The following HPD variants were observed in gnomAD, a reference collection of about 807,000 sequenced individuals.
The protein encoded by HPD is 4-hydroxyphenylpyruvic acid oxidase.
In HPD, 35 loss-of-function variants were observed where a neutral mutation model predicts 56.9. The observed-to-expected ratio is 0.62, with a 90% confidence interval of 0.47 to 0.82. The LOEUF (loss-of-function observed/expected upper bound fraction) is 0.82, where lower values mean the gene tolerates loss of function less well. Among genes scored for constraint, HPD ranks in the 40% least tolerant of loss-of-function variants. The pLI is 0.00. For synonymous variants in HPD, 186 were observed against 200.2 expected, an observed-to-expected ratio of 0.93 and a Z score of 0.60; for missense variants, 442 against 506.8, an observed-to-expected ratio of 0.87 and a Z score of 1.23.
Position 121,853,404 on chromosome 12 carries a change from G to A in HPD, c.414+1299C>T, listed in dbSNP as rs552510526. 3.4e-4 allele frequency among the ~76,000 whole-genome samples: 51 copies of A among 151,954 alleles called. No individual in the cohort carries two copies. The South Asian group carries it at 7.5e-3, about 22-fold the overall frequency. ...AGCACTTTGGGAGGCTGAGGCGGGC[G>A]GATCACAAGGTCAGGAGATCGAGAC... On this transcript the variant is annotated intron_variant, in intron 7 of 13. Coordinates refer to ENST00000289004, the MANE Select transcript of HPD (RefSeq NM_002150.3).
chr12:121,877,734 A>AAAT, the HPD span, among the ~76,000 whole-genome samples: 1 of 151,964 alleles, frequency 6.6e-6, no homozygotes, highest in Non-Finnish European at 1.5e-5. Context: ...CTCTGTCTCA[A>AAAT]AATAATAATA....
chr12:121,839,984 A>G lies in HPD; in HGVS notation c.1019T>C (p.Val340Ala). The G allele has an allele frequency of 6.2e-7, 1 of 1,613,988 alleles. No homozygotes were observed. The highest frequency in any genetic ancestry group is 2.2e-5 in the East Asian group (1 of 44,860). Residue 340 changes from valine to alanine, a missense_variant, in exon 13 of 14, where the codon GTG (valine) becomes GCG (alanine). Transcript: ENST00000289004. ...GYLLQIFTKP[V>A]QDRPTLFLEV... ...CAGGAAGAGCGTGGGCCGGTCCTGCACCGGTTTGGTGAAGATCTGCAGGAG... is the reference window on the plus strand; with the variant it reads ...CAGGAAGAGCGTGGGCCGGTCCTGCGCCGGTTTGGTGAAGATCTGCAGGAG...
chr12:121,887,553 G>C, the HPD span, among the ~76,000 whole-genome samples: 1 of 151,706 alleles, frequency 6.6e-6, no homozygotes, highest in South Asian at 2.1e-4. Context: ...TATATTTTTG[G>C]TAGAGACAGG....
upstream of HPD, chr12:121,858,909 A>G (rs2137635838): frequency 6.5e-7 from 1 of 1,536,928 alleles, no homozygotes; most frequent in Non-Finnish European, 9.0e-7. Flanking sequence ...GGTCCCGCCC[A>G]GGCCTCCTGG....
chr12:121,846,803 C>T (rs1413315266), intron 11 of HPD, 59 bp downstream of exon 11: 4 of 1,548,746 alleles, frequency 2.6e-6, no homozygotes, highest in Non-Finnish European at 3.6e-6. Flanking sequence ...CTCAATTTTG[C>T]AGAGATCGTC....
intron 4 of HPD, chr12:121,857,103 G>T: frequency 3.7e-6 from 2 of 540,196 alleles, no homozygotes; most frequent in Admixed American, 3.1e-5. Context: ...TTGTTGAGAT[G>T]GAGTCTTGCT....
At chr12:121,849,146 C>CAAT in intron 8 of HPD, 70 bp from the exon 9 acceptor site, 1 of 883,064 alleles carries the variant, frequency 1.1e-6, no homozygotes, top group South Asian at 1.3e-5. Flanking sequence ...CATGACCCCT[C>CAAT]AATAATAATA....
chr12:121,868,624 A>G, the HPD span, among the ~76,000 whole-genome samples: 1 of 149,822 alleles, frequency 6.7e-6, no homozygotes, highest in Non-Finnish European at 1.5e-5. Flanking sequence ...GGTTCAAGTG[A>G]TTCTCCTGCC....
intron 12 of HPD, among the ~76,000 whole-genome samples, chr12:121,840,411 C>G (rs1478178271): frequency 6.6e-6 from 1 of 152,162 alleles, no homozygotes; most frequent in African/African-American, 2.4e-5. Context: ...AGCGATTCTC[C>G]TGTCTCAGCC....
At chr12:121,851,181 G>A (rs145253291) in intron 7 of HPD, among the ~76,000 whole-genome samples, 1,843 of 151,670 alleles carry the variant, frequency 0.012, 15 homozygotes, top group Admixed American at 0.021. Flanking sequence ...GCTAATTTTT[G>A]TGTTGTTTTA....
At chr12:121,855,972 C>CCAA (rs751396815) in intron 6 of HPD, among the ~76,000 whole-genome samples, 1 of 65,348 alleles carries the variant, frequency 1.5e-5, no homozygotes. Flanking sequence ...CTCCGTCTCA[C>CCAA]AAAAAAAAAA....
chr12:121,852,210 G>A lies in HPD; in HGVS notation c.415-2420C>T, dbSNP rs536017293. Among the ~76,000 whole-genome samples the A allele has an allele frequency of 3.0e-3, 454 of 152,056 alleles. 2 individuals carry two copies. Among genetic ancestry groups the A allele is most frequent in the African/African-American group, 0.01 (430 of 41,486 alleles). On this transcript the variant is annotated intron_variant, in intron 7 of 13. Transcript: ENST00000289004. Reference sequence around the variant, plus strand: ...AATTTTTAATTTTTTCGTAGAGATGGGGTCTCACTTTGTTGCGCAGGCTGG... The same window carrying A: ...AATTTTTAATTTTTTCGTAGAGATGAGGTCTCACTTTGTTGCGCAGGCTGG...
chr12:121,865,459 G>A (rs1878301437), upstream of HPD, among the ~76,000 whole-genome samples: 1 of 150,632 alleles, frequency 6.6e-6, no homozygotes, highest in Non-Finnish European at 1.5e-5. Flanking sequence ...TAGTAGAGAT[G>A]GGGTTTCGTC....
At chr12:121,851,556 C>A (rs983189295) in intron 7 of HPD, among the ~76,000 whole-genome samples, 1 of 151,372 alleles carries the variant, frequency 6.6e-6, no homozygotes, top group Non-Finnish European at 1.5e-5. Flanking sequence ...GTTGGCCAGG[C>A]TGGTCTCGAA....
At chr12:121,886,886 C>T in the HPD span, among the ~76,000 whole-genome samples, 1 of 152,066 alleles carries the variant, frequency 6.6e-6, no homozygotes, top group Admixed American at 6.6e-5. Context: ...TCTCTTCCTC[C>T]CTTTTTAACT....
At position 121,857,862 on chromosome 12, in the gene HPD, A is replaced by T. The variant is rs532097028; in HGVS notation, c.31-43T>A. ...AGGTGAGGTTGAGTCCCTGAAAGTG[A>T]GTCTAGAAAAGTGCGGGTGGAGTGA... On this transcript the variant is annotated intron_variant, in intron 2 of 13. Coordinates refer to ENST00000289004, the MANE Select transcript of HPD (RefSeq NM_002150.3). 7.3e-6 allele frequency: 11 copies of T among 1,497,662 alleles called. No individual in the cohort carries two copies. In the African/African-American group the frequency reaches 1.5e-4, roughly 21 times the overall value. 92.8% of individuals were successfully genotyped at this position (1,497,662 alleles called of 1,614,324 possible).
chr12:121,857,305 C>G, intron 4 of HPD, 23 bp downstream of exon 4: 1 of 1,494,822 alleles, frequency 6.7e-7, no homozygotes, highest in Non-Finnish European at 9.3e-7. Context: ...GGGTTGGGGG[C>G]TGTCCTGGGG....
At chr12:121,863,826 C>A (rs1186142713), upstream of HPD, among the ~76,000 whole-genome samples, 1 of 151,678 alleles carries the variant, frequency 6.6e-6, no homozygotes, top group Non-Finnish European at 1.5e-5. Context: ...TTATATAAGC[C>A]CATTTTGGAA....
intron 7 of HPD, among the ~76,000 whole-genome samples, chr12:121,852,637 T>C (rs1376681906): frequency 7.3e-6 from 1 of 136,154 alleles, no homozygotes; most frequent in East Asian, 2.1e-4. Context: ...TTTTTTTTTT[T>C]TTTTTTTTTT....
Sources: gnomAD v4.1 joint callset for allele counts (sites outside exome capture counted in the v4.1 genomes callset) on GRCh38, gnomAD v4.1.1 for gene constraint, MANE v1.5 for transcripts, NCBI Gene and HGNC (gene_info 2026-07-23, HGNC 2026-07-21) for gene names.